CENATAC: variants seen among roughly 807,000 people sequenced by gnomAD.
CENATAC encodes coiled-coil domain containing 84.
Under a neutral mutation model 53.7 loss-of-function variants are expected in CENATAC, and 53 were observed. That is an observed-to-expected ratio of 0.99 (90% CI 0.79 to 1.24). The LOEUF (loss-of-function observed/expected upper bound fraction) is 1.24. Ranked by LOEUF, CENATAC falls within the 50% of genes most tolerant of loss-of-function variation. The pLI is 0.00. For synonymous variants in CENATAC, 156 were observed against 144.6 expected (o/e 1.08, Z -0.57); for missense variants, 474 against 417.8 (o/e 1.13, Z -1.17).
At chr11:119,010,493 T>C in intron 3 of CENATAC, 1 of 466,110 alleles carries the variant, frequency 2.1e-6, no homozygotes, top group South Asian at 4.0e-5. Context: ...TATAGAATGT[T>C]CCTCCTCTTG....
chr11:118,998,408 C>G, intron 1 of CENATAC, 22 bp from the exon 2 acceptor site: 2 of 1,612,674 alleles, frequency 1.2e-6, no homozygotes, highest in Non-Finnish European at 1.7e-6. Context: ...CCTCGGGGTT[C>G]TACTTGGCCT....
chr11:119,002,070 A>G (rs961605474), intron 3 of CENATAC, among the ~76,000 whole-genome samples: 2 of 151,760 alleles, frequency 1.3e-5, no homozygotes, highest in African/African-American at 4.8e-5. Flanking sequence ...CTAAAAATAC[A>G]AAAAATAGCT....
chr11:119,006,136 G>C lies in CENATAC; in HGVS notation c.384-4628G>C, dbSNP rs1237250063. Among the ~76,000 whole-genome samples the C allele has an allele frequency of 7.2e-5, 10 of 138,056 alleles. No individual in the cohort carries two copies. The Admixed American group carries it at 7.8e-4, about 11-fold the overall frequency. The allele number at this position is 138,056 out of a possible 152,430, so 90.6% of individuals were successfully genotyped here. A position where few individuals can be genotyped will look rare whatever the true frequency, so the allele number is the denominator to read the frequency against. ...GGAATCTTGCTCTGTCGCCAGGCTG[G>C]AGTACAGTGGCGTGATCTCAGTTGA... is the stretch of plus-strand genomic sequence containing the variant. On this transcript the variant is annotated intron_variant, in intron 3 of 10. Transcript: ENST00000334418.
chr11:119,012,204 G>C lies in CENATAC; in HGVS notation c.634G>C (p.Glu212Gln), dbSNP rs781940512. The C allele has an allele frequency of 1.4e-5, 23 of 1,614,132 alleles. 1 individual carries two copies. Among genetic ancestry groups the C allele is most frequent in the Middle Eastern group, 1.6e-4 (1 of 6,062 alleles). The change falls in exon 7 of 11, where the codon GAG becomes CAG. Residue 212 changes from glutamate to glutamine, a missense_variant. Coordinates refer to ENST00000334418, the MANE Select transcript of CENATAC (RefSeq NM_198489.3). ...AAATTTGGACCTGCCACCAGCTCCA[G>C]AGCTTGACTGGATGGAGACAGGACC... ...PSNLDLPPAP[E>Q]LDWMETGPSL...
Position 118,998,275 on chromosome 11 carries a change from C to T in CENATAC, c.78C>T (p.His26=). The part of the protein sequence containing the change: ...CGRGHVYSRK[H]QRQLKEALER... ...GCGGGCACGTTTACAGCCGCAAGCA[C>T]CAGCGGCAGCTGAAGGAGGCTTTGG... Residue 26 remains histidine, a synonymous_variant, in exon 1 of 11, where the codon CAC becomes CAT. Coordinates refer to ENST00000334418, the MANE Select transcript of CENATAC (RefSeq NM_198489.3). The T allele has an allele frequency of 6.3e-7, 1 of 1,599,446 alleles. No individual in the cohort carries two copies. Among genetic ancestry groups the T allele is most frequent in the Non-Finnish European group, 8.5e-7 (1 of 1,173,312 alleles).
intron 3 of CENATAC, chr11:119,004,728 A>G (rs1008961076): frequency 6.6e-6 from 1 of 152,166 alleles, no homozygotes; most frequent in Non-Finnish European, 1.5e-5. Context: ...CCACCACTAC[A>G]CTCCAGCTGG....
At position 118,998,589 on chromosome 11, in the gene CENATAC, G is replaced by T. The variant is rs1329036916; in HGVS notation, c.280G>T (p.Ala94Ser). ...GTACGGGGGGCTGCTGGAGCATCTG[G>T]CCAGGTGAGAGCCGAGCTAGGAGCC... ...VLYGGLLEHLASPEHKKATNK... is the reference protein window; with the variant it reads ...VLYGGLLEHLSSPEHKKATNK... The change falls in exon 2 of 11, where the codon GCC becomes TCC. Residue 94 changes from alanine (A) to serine (S), a missense_variant. Physicochemically the swap from Ala to Ser is moderately conservative, Grantham distance 99. Coordinates refer to ENST00000334418, the MANE Select transcript of CENATAC (RefSeq NM_198489.3). The T allele has an allele frequency of 1.3e-6, 2 of 1,561,202 alleles. No individual in the cohort carries two copies. Among genetic ancestry groups the T allele is most frequent in the Middle Eastern group, 3.3e-4 (2 of 6,004 alleles).
intron 3 of CENATAC, among the ~76,000 whole-genome samples, chr11:119,004,288 C>T (rs1411918670): frequency 3.3e-5 from 5 of 151,732 alleles, no homozygotes; most frequent in Admixed American, 3.3e-4. Context: ...TGCTCTGTTG[C>T]CCAGGCTGGA....
intron 3 of CENATAC, among the ~76,000 whole-genome samples, chr11:119,002,224 C>CAAAAAAAAAA (rs782664366): frequency 4.0e-5 from 2 of 49,536 alleles, no homozygotes; most frequent in Non-Finnish European, 7.6e-5. Flanking sequence ...AACTCTGTCT[C>CAAAAAAAAAA]AAAAAAAAAA....
intron 1 of CENATAC, 34 bp downstream of exon 1, chr11:118,998,351 G>A: frequency 6.2e-7 from 1 of 1,611,392 alleles, no homozygotes; most frequent in Non-Finnish European, 8.5e-7. Flanking sequence ...GGATGGGAGT[G>A]CGGGGCAGGT....
At chr11:118,998,906 C>T (rs1942149423) in intron 2 of CENATAC, 105 bp from the exon 3 acceptor site, 2 of 855,168 alleles carry the variant, frequency 2.3e-6, no homozygotes, top group African/African-American at 1.7e-5. Flanking sequence ...CAGCCGTGCC[C>T]CAGGCAGAAA....
chr11:119,004,905 A>G, intron 3 of CENATAC: 1 of 152,004 alleles, frequency 6.6e-6, no homozygotes, highest in Non-Finnish European at 1.5e-5. Context: ...AAAAAAAAAA[A>G]TTATATTAGC....
At chr11:119,010,516 T>G in intron 3 of CENATAC, 1 of 499,924 alleles carries the variant, frequency 2.0e-6, no homozygotes, top group Non-Finnish European at 3.6e-6. Flanking sequence ...AGATGTGTGT[T>G]GAAAATAGGG....
intron 9 of CENATAC, 72 bp from the exon 10 acceptor site, chr11:119,015,234 TG>T: frequency 6.6e-7 from 1 of 1,512,548 alleles, no homozygotes; most frequent in Non-Finnish European, 9.0e-7. Flanking sequence ...GAAAACAGCC[TG>T]GACAACATAG....
intron 3 of CENATAC, among the ~76,000 whole-genome samples, chr11:119,008,401 AG>A (rs1290176240): frequency 6.6e-6 from 1 of 152,222 alleles, no homozygotes; most frequent in Non-Finnish European, 1.5e-5. Context: ...ATTAAGTTCA[AG>A]GGAAAGTACT....
intron 3 of CENATAC, among the ~76,000 whole-genome samples, chr11:119,004,107 G>A (rs1385661756): frequency 6.6e-6 from 1 of 152,154 alleles, no homozygotes; most frequent in Non-Finnish European, 1.5e-5. Context: ...CACGCTCTAT[G>A]ATGTTTCGAT....
At chr11:119,007,805 C>G (rs1365826831) in intron 3 of CENATAC, among the ~76,000 whole-genome samples, 3 of 152,158 alleles carry the variant, frequency 2.0e-5, no homozygotes, top group Non-Finnish European at 4.4e-5. Flanking sequence ...ACTTTTGAAC[C>G]TTGTAAATTG....
At chr11:119,007,547 T>A (rs938163094) in intron 3 of CENATAC, among the ~76,000 whole-genome samples, 19 of 152,118 alleles carry the variant, frequency 1.2e-4, no homozygotes, top group Non-Finnish European at 2.4e-4. Flanking sequence ...TGGAGTGCCA[T>A]GATACAATGA....
intron 3 of CENATAC, among the ~76,000 whole-genome samples, chr11:118,999,893 T>C (rs1012128630): frequency 2.0e-5 from 3 of 152,148 alleles, no homozygotes; most frequent in East Asian, 1.9e-4. Context: ...CCGCCCACCT[T>C]GGCCTCCTAA....
Sources: gnomAD v4.1 joint callset for allele counts (sites outside exome capture counted in the v4.1 genomes callset) on GRCh38, gnomAD v4.1.1 for gene constraint, MANE v1.5 for transcripts, NCBI Gene and HGNC (gene_info 2026-07-23, HGNC 2026-07-21) for gene names.